RNF13: variants seen among roughly 807,000 people sequenced by gnomAD.
The protein encoded by RNF13 is E3 ubiquitin-protein ligase RNF13.
RNF13 carries 19 observed loss-of-function variants against 37.7 expected under a neutral mutation model. The observed-to-expected ratio is 0.50, with a 90% CI of 0.35 to 0.74. The LOEUF (loss-of-function observed/expected upper bound fraction) is 0.74. Among genes scored for constraint, RNF13 ranks in the 30% least tolerant of loss-of-function variants. RNF13 has a pLI of 0.01. For synonymous variants in RNF13, 144 were observed against 157.8 expected, an observed-to-expected ratio of 0.91 and a Z score of 0.65; for missense variants, 375 against 453.0, an observed-to-expected ratio of 0.83 and a Z score of 1.56.
chr3:149,871,057 T>TTC (rs1559919393), intron 3 of RNF13, among the ~76,000 whole-genome samples: 1 of 149,106 alleles, frequency 6.7e-6, no homozygotes, highest in Non-Finnish European at 1.5e-5. Flanking sequence ...TTTTTTTTTT[T>TTC]CCGAGACGGA....
chr3:149,947,124 G>A (rs560376379), intron 8 of RNF13, among the ~76,000 whole-genome samples: 1 of 152,156 alleles, frequency 6.6e-6, no homozygotes, highest in South Asian at 2.1e-4. Context: ...TGAGGTTGGA[G>A]AATATATTTG....
intron 2 of RNF13, among the ~76,000 whole-genome samples, chr3:149,846,427 T>C (rs1247964950): frequency 1.3e-5 from 2 of 152,096 alleles, no homozygotes; most frequent in Non-Finnish European, 2.9e-5. Context: ...CTCACCCTCC[T>C]GAGTAGCTGG....
chr3:149,953,328 C>T (rs188312141), intron 8 of RNF13, among the ~76,000 whole-genome samples: 9 of 152,194 alleles, frequency 5.9e-5, no homozygotes, highest in South Asian at 2.1e-4. Flanking sequence ...ATTGTTTTAG[C>T]GCAGGCACTA....
chr3:149,917,455 G>A (rs1717656753), intron 7 of RNF13: 1 of 152,144 alleles, frequency 6.6e-6, no homozygotes, highest in Admixed American at 6.6e-5. Context: ...AGTACAGAAA[G>A]TTCTGTTTCT....
chr3:149,834,088 G>GT (rs756382053), intron 1 of RNF13, among the ~76,000 whole-genome samples: 1 of 152,124 alleles, frequency 6.6e-6, no homozygotes, highest in Non-Finnish European at 1.5e-5. Flanking sequence ...ACTGAAAATT[G>GT]TAAGACTTTG....
intron 3 of RNF13, among the ~76,000 whole-genome samples, chr3:149,868,702 A>G (rs1711625989): frequency 6.6e-6 from 1 of 151,028 alleles, no homozygotes; most frequent in Non-Finnish European, 1.5e-5. Flanking sequence ...TTTTCAATGA[A>G]AAGTCTGTTG....
chr3:149,892,515 G>T (rs905230912), intron 4 of RNF13, among the ~76,000 whole-genome samples: 1 of 152,176 alleles, frequency 6.6e-6, no homozygotes, highest in Non-Finnish European at 1.5e-5. Flanking sequence ...TAGTACAGGG[G>T]TCCCCAAGCC....
At chr3:149,910,112 T>C (rs1716835345) in intron 6 of RNF13, among the ~76,000 whole-genome samples, 1 of 152,122 alleles carries the variant, frequency 6.6e-6, no homozygotes. Context: ...TTATAGAGGA[T>C]TAGCGTCTCA....
At chr3:149,875,644 G>GCA (rs1288544599) in intron 4 of RNF13, among the ~76,000 whole-genome samples, 2 of 152,146 alleles carry the variant, frequency 1.3e-5, no homozygotes, top group African/African-American at 4.8e-5. Context: ...GTTGAGAGAA[G>GCA]CACATATGAA....
At chr3:149,898,956 G>T (rs958074747) in intron 5 of RNF13, among the ~76,000 whole-genome samples, 1 of 152,114 alleles carries the variant, frequency 6.6e-6, no homozygotes, top group Admixed American at 6.5e-5. Flanking sequence ...CTGAAGGAGG[G>T]TATTCCAAGG....
At chr3:149,862,394 A>G (rs1414963044) in intron 3 of RNF13, among the ~76,000 whole-genome samples, 2 of 152,052 alleles carry the variant, frequency 1.3e-5, no homozygotes, top group Non-Finnish European at 1.5e-5. Flanking sequence ...TTATCCTACC[A>G]TATTCTGTTC....
At chr3:149,933,804 G>C (rs1407457914) in intron 8 of RNF13, among the ~76,000 whole-genome samples, 3 of 151,834 alleles carry the variant, frequency 2.0e-5, no homozygotes, top group African/African-American at 7.3e-5. Context: ...GGCTGGTCTC[G>C]AACTCCTGAC....
rs767662400 is a variant in RNF13 at position 149,921,171 on chromosome 3, G to A, written c.644G>A (p.Arg215Lys). Residue 215 changes from arginine to lysine, a missense_variant, in exon 8 of 10, where the codon AGA (arginine) becomes AAA (lysine). Coordinates refer to ENST00000392894, the MANE Select transcript of RNF13 (RefSeq NM_183381.3). ...GTCCAGGATAGACATAGAGCTAGAA[G>A]AAACAGACTTCGTAAAGATCAACTT... ...KFVQDRHRAR[R>K]NRLRKDQLKK... The A allele has an allele frequency of 7.7e-6, 11 of 1,428,884 alleles. No individual in the cohort carries two copies. The highest frequency in any genetic ancestry group is 3.8e-4 in the Middle Eastern group (2 of 5,206). 88.5% of individuals were successfully genotyped at this position (1,428,884 alleles called of 1,614,324 possible).
intron 8 of RNF13, among the ~76,000 whole-genome samples, chr3:149,937,931 T>G (rs1719868213): frequency 6.6e-6 from 1 of 152,022 alleles, no homozygotes; most frequent in South Asian, 2.1e-4. Context: ...AGTGTGTATA[T>G]CAATTAAATC....
chr3:149,852,761 G>C (rs1224859421), intron 3 of RNF13, among the ~76,000 whole-genome samples, 165 bp downstream of exon 3: 3 of 151,956 alleles, frequency 2.0e-5, no homozygotes, highest in African/African-American at 7.2e-5. Flanking sequence ...CAGAAAGAAA[G>C]TGAAAATCAC....
At chr3:149,835,661 G>GTGTT (rs1243728884) in intron 1 of RNF13, among the ~76,000 whole-genome samples, 3 of 150,776 alleles carry the variant, frequency 2.0e-5, no homozygotes, top group African/African-American at 7.4e-5. Context: ...GTGTGTGTGT[G>GTGTT]TGTGTTTGTG....
intron 3 of RNF13, among the ~76,000 whole-genome samples, chr3:149,871,792 C>CTTA (rs1456660508): frequency 6.6e-6 from 1 of 151,934 alleles, no homozygotes; most frequent in Non-Finnish European, 1.5e-5. Context: ...CCTGAGTTTG[C>CTTA]TTATTATTAT....
rs536351557 is a variant in RNF13 at position 149,881,875 on chromosome 3, T to A, written c.321+9721T>A. On this transcript the variant is annotated intron_variant, in intron 4 of 9. Transcript: ENST00000392894. ...TAGCCTCAGAGAAGAGAAGGAAACA[T>A]GCCTTTGTACCACCATTATGAATGT... is the stretch of plus-strand genomic sequence containing the variant. Among the ~76,000 whole-genome samples, 229 of 152,322 alleles carry A rather than the reference T, an allele frequency of 1.5e-3. 1 individual carries two copies. The highest frequency in any genetic ancestry group is 5.1e-3 in the African/African-American group (214 of 41,570).
At chr3:149,906,073 C>T (rs1318603358) in intron 6 of RNF13, among the ~76,000 whole-genome samples, 1 of 152,150 alleles carries the variant, frequency 6.6e-6, no homozygotes, top group African/African-American at 2.4e-5. Flanking sequence ...GGTTATTTCA[C>T]ATGAATGGAA....
Sources: gnomAD v4.1 joint callset for allele counts (sites outside exome capture counted in the v4.1 genomes callset) on GRCh38, gnomAD v4.1.1 for gene constraint, MANE v1.5 for transcripts, NCBI Gene and HGNC (gene_info 2026-07-23, HGNC 2026-07-21) for gene names.